ANKRD31: variants seen among roughly 807,000 people sequenced by gnomAD.
The protein encoded by ANKRD31 is ankyrin repeat domain-containing protein 31.
ANKRD31 carries 147 observed loss-of-function variants against 186.0 expected under a neutral mutation model. That is an observed-to-expected ratio of 0.79 (90% CI 0.69 to 0.91). The LOEUF is 0.91. Ranked by LOEUF, ANKRD31 falls within the 40% of genes least tolerant of loss-of-function variation. The pLI is 0.00. For synonymous variants in ANKRD31, 673 were observed against 736.4 expected (o/e 0.91, Z 1.39); for missense variants, 1,986 against 2,148.8 (o/e 0.92, Z 1.50).
chr5:75,146,467 T>TA lies in ANKRD31; in HGVS notation c.2943dup (p.Ile982TyrfsTer3). On this transcript the variant is annotated frameshift_variant, in exon 14 of 26. Transcript: ENST00000506364. LOFTEE classifies it high-confidence loss of function. ...TCATAATTTGCAACATGTTCAGAAATAACTGCATTATCTGAATAAGAAAAA... is the reference window on the plus strand; with the variant it reads ...TCATAATTTGCAACATGTTCAGAAATAAACTGCATTATCTGAATAAGAAAAA... 6.5e-7 allele frequency: 1 copy of TA among 1,536,414 alleles called. No homozygotes were observed. Among genetic ancestry groups the TA allele is most frequent in the Non-Finnish European group, 8.7e-7 (1 of 1,146,394 alleles).
intron 17 of ANKRD31, among the ~76,000 whole-genome samples, chr5:75,132,683 T>G (rs1229068784): frequency 6.6e-6 from 1 of 151,986 alleles, no homozygotes; most frequent in African/African-American, 2.4e-5. Flanking sequence ...AAGATACTCC[T>G]CAAGAAGAGC....
chr5:75,233,065 TCC>T (rs1325043942), intron 1 of ANKRD31, among the ~76,000 whole-genome samples: 18 of 118,236 alleles, frequency 1.5e-4, no homozygotes, highest in South Asian at 2.8e-4. Context: ...TTTTTTCTTT[TCC>T]TTTTTTTTTT....
intron 23 of ANKRD31, among the ~76,000 whole-genome samples, chr5:75,085,600 C>T (rs935886927): frequency 1.3e-5 from 2 of 152,086 alleles, no homozygotes; most frequent in East Asian, 1.9e-4. Flanking sequence ...CAGGGTTTTG[C>T]CATGTTGGCC....
At chr5:75,096,894 A>G (rs1413936484) in intron 22 of ANKRD31, among the ~76,000 whole-genome samples, 2 of 145,184 alleles carry the variant, frequency 1.4e-5, no homozygotes, top group East Asian at 4.1e-4. Context: ...CCCACCTATG[A>G]GTGAGAACAT....
intron 2 of ANKRD31, among the ~76,000 whole-genome samples, chr5:75,228,757 C>T (rs1475247795): frequency 6.6e-6 from 1 of 151,824 alleles, no homozygotes; most frequent in African/African-American, 2.4e-5. Context: ...AAGATTTATC[C>T]ATTTGGAAAA....
At chr5:75,188,791 A>G in intron 9 of ANKRD31, 143 bp from the exon 10 acceptor site, 1 of 661,988 alleles carries the variant, frequency 1.5e-6, no homozygotes, top group Non-Finnish European at 2.4e-6. Flanking sequence ...GAAGTGAAGT[A>G]TATTATGAGA....
At chr5:75,230,276 A>T (rs926793896) in intron 2 of ANKRD31, among the ~76,000 whole-genome samples, 2 of 152,204 alleles carry the variant, frequency 1.3e-5, no homozygotes, top group African/African-American at 4.8e-5. Flanking sequence ...CAATTATGTT[A>T]CTTGTTTGTA....
intron 12 of ANKRD31, among the ~76,000 whole-genome samples, chr5:75,150,618 G>C (rs866976364): frequency 1.6e-4 from 24 of 151,836 alleles, no homozygotes; most frequent in African/African-American, 5.6e-4. Flanking sequence ...GAAATGTTTG[G>C]GATTCCTTTA....
chr5:75,235,460 T>C (rs892435413), intron 1 of ANKRD31, among the ~76,000 whole-genome samples: 10 of 152,178 alleles, frequency 6.6e-5, no homozygotes, highest in African/African-American at 2.2e-4. Flanking sequence ...ACCCATTTAT[T>C]GACGAGTTTC....
chr5:75,227,777 A>G (rs902432857), intron 2 of ANKRD31, among the ~76,000 whole-genome samples: 19 of 152,272 alleles, frequency 1.2e-4, no homozygotes, highest in African/African-American at 4.6e-4. Flanking sequence ...CCTGTTATGA[A>G]CCAGGCTGCA....
At chr5:75,116,812 A>C in intron 18 of ANKRD31, 131 bp from the exon 19 acceptor site, 5 of 446,798 alleles carry the variant, frequency 1.1e-5, no homozygotes, top group East Asian at 3.6e-5. Flanking sequence ...ACCAACACTC[A>C]TCATCGTCAT....
chr5:75,208,290 T>C (rs1280722376), intron 4 of ANKRD31, among the ~76,000 whole-genome samples: 3 of 152,076 alleles, frequency 2.0e-5, no homozygotes, highest in Non-Finnish European at 4.4e-5. Context: ...ATTGTGAATA[T>C]TGCTTGGGTA....
intron 17 of ANKRD31, among the ~76,000 whole-genome samples, chr5:75,135,722 A>C (rs979235712): frequency 1.3e-5 from 2 of 152,198 alleles, no homozygotes; most frequent in Admixed American, 6.5e-5. Context: ...AATCCTAAGC[A>C]AAAAGAACAA....
rs1745306991 is a variant in ANKRD31, at chr5:75,084,248, A to G, written c.5575+24T>C. 4.0e-6 allele frequency: 6 copies of G among 1,497,258 alleles called. No homozygotes were observed. The South Asian group carries it at 6.1e-5, about 15-fold the overall frequency. The allele number at this position is 1,497,258 out of a possible 1,614,324, so 92.7% of individuals were successfully genotyped here. Reference sequence around the variant, plus strand: ...TTTGGTGTTTTATCCCACAACGAAGAAATGAGTGTTGTTCTGTACATACCT... The same window carrying G: ...TTTGGTGTTTTATCCCACAACGAAGGAATGAGTGTTGTTCTGTACATACCT... On this transcript the variant is annotated intron_variant, in intron 24 of 25. Coordinates refer to ENST00000506364, the MANE Select transcript of ANKRD31 (RefSeq NM_001372053.1).
rs373401600 is a variant in ANKRD31 at position 75,120,205 on chromosome 5, T to G, written c.3877-1908A>C. Among the ~76,000 whole-genome samples, 9 of 152,038 alleles carry G rather than the reference T, an allele frequency of 5.9e-5. No homozygotes were observed. The South Asian group carries it at 1.0e-3, about 18-fold the overall frequency. The stretch of plus-strand genomic sequence containing the variant: ...AGCCCAGGAGTTCGAGACCAGCCTG[T>G]GCAACATAGGGAGACCTCTTCTCTA... On this transcript the variant is annotated intron_variant, in intron 17 of 25. Transcript: ENST00000506364.
intron 3 of ANKRD31, among the ~76,000 whole-genome samples, chr5:75,218,167 G>GA (rs1757074611): frequency 6.6e-6 from 1 of 151,822 alleles, no homozygotes; most frequent in African/African-American, 2.4e-5. Flanking sequence ...TGGTTTTTTG[G>GA]AAAAAATTAA....
intron 3 of ANKRD31, among the ~76,000 whole-genome samples, chr5:75,213,822 T>C (rs1346546604): frequency 6.6e-6 from 1 of 152,208 alleles, no homozygotes; most frequent in Non-Finnish European, 1.5e-5. Flanking sequence ...AATCTCCTGC[T>C]ATCTGAGAAC....
chr5:75,087,574 T>G (rs1353683686), intron 23 of ANKRD31, among the ~76,000 whole-genome samples: 1 of 152,106 alleles, frequency 6.6e-6, no homozygotes, highest in African/African-American at 2.4e-5. Flanking sequence ...TTTTATTCCA[T>G]TGCAAGTTTT....
At chr5:75,193,944 G>T (rs146984869) in intron 7 of ANKRD31, among the ~76,000 whole-genome samples, 1 of 152,072 alleles carries the variant, frequency 6.6e-6, no homozygotes, top group Non-Finnish European at 1.5e-5. Flanking sequence ...GTCACACTAG[G>T]CTAGATCAAT....
Sources: gnomAD v4.1 joint callset for allele counts (sites outside exome capture counted in the v4.1 genomes callset) on GRCh38, gnomAD v4.1.1 for gene constraint, MANE v1.5 for transcripts, NCBI Gene and HGNC (gene_info 2026-07-23, HGNC 2026-07-21) for gene names.